Variants in DCC observed in about 807,000 individuals in gnomAD.
The protein encoded by DCC is DCC netrin 1 receptor.
A neutral mutation model predicts 172.5 loss-of-function variants in DCC; 58 were observed. The ratio of observed to expected loss-of-function variants is 0.34; its 90% CI spans 0.27 to 0.42. DCC has a LOEUF of 0.42. DCC is among the 10% of genes least tolerant of loss of function. The probability of loss-of-function intolerance (pLI) is 1.00; values close to 1 mark genes in which losing one functional copy is unlikely to be tolerated. For synonymous variants in DCC, 709 were observed against 644.5 expected, an observed-to-expected ratio of 1.10 and a Z score of -1.52; for missense variants, 1,740 against 1,791.0, an observed-to-expected ratio of 0.97 and a Z score of 0.51.
At chr18:53,051,973 T>C (rs775278548) in intron 5 of DCC, among the ~76,000 whole-genome samples, 1 of 152,146 alleles carries the variant, frequency 6.6e-6, no homozygotes, top group East Asian at 1.9e-4. Flanking sequence ...GTTATTTTAA[T>C]ACTGCATCAT....
Position 52,340,866 on chromosome 18 carries a change from C to T in DCC, c.79C>T (p.Leu27Phe), listed in dbSNP as rs1208033056. The T allele has an allele frequency of 1.9e-6, 3 of 1,613,516 alleles. No individual in the cohort carries two copies. Among genetic ancestry groups the T allele is most frequent in the Admixed American group, 1.7e-5 (1 of 60,014 alleles). Residue 27 changes from leucine to phenylalanine, a missense_variant, in exon 1 of 29, where the codon CTT (leucine) becomes TTT (phenylalanine). Leu to Phe is a conservative substitution (Grantham distance 22). This residue lies in a region of DCC where 1,732 missense variants were observed against 1,767.4 expected (regional missense o/e 0.98). Coordinates refer to ENST00000442544, the MANE Select transcript of DCC (RefSeq NM_005215.4). ...LFGASLFSAH[L>F]QVTGFQIKAF... The stretch of plus-strand genomic sequence containing the variant: ...CGGAGCTTCCTTGTTCAGCGCGCAT[C>T]TTCAAGTAACCGGTAAGTGGCTCTT...
At chr18:53,441,207 G>A (rs1329410291) in intron 22 of DCC, among the ~76,000 whole-genome samples, 1 of 152,188 alleles carries the variant, frequency 6.6e-6, no homozygotes, top group Non-Finnish European at 1.5e-5. Context: ...GAAGCTCTGA[G>A]AAAATAAATA....
intron 1 of DCC, among the ~76,000 whole-genome samples, chr18:52,570,030 G>A (rs2033255663): frequency 6.6e-6 from 1 of 152,288 alleles, no homozygotes; most frequent in South Asian, 2.1e-4. Context: ...ATCCTAGTAT[G>A]AGTGAACTAG....
intron 25 of DCC, among the ~76,000 whole-genome samples, chr18:53,480,540 AAGAC>A (rs1286050217): frequency 6.6e-6 from 1 of 152,172 alleles, no homozygotes; most frequent in Non-Finnish European, 1.5e-5. Context: ...TTTCAAATGT[AAGAC>A]AGGATGTTTT....
In DCC at chr18:52,426,319, C is replaced by T. The variant is rs115113118; in HGVS notation, c.91+85441C>T. Among the ~76,000 whole-genome samples, 1,193 of 141,560 alleles carry T rather than the reference C, an allele frequency of 8.4e-3. 9 individuals are homozygous for T. The highest frequency in any genetic ancestry group is 0.029 in the African/African-American group (1,114 of 38,210). 92.9% of individuals were successfully genotyped at this position (141,560 alleles called of 152,430 possible). Reference sequence around the variant, plus strand: ...GAATTTTTTTTTTTTTTTTTGGCATCGCTTACTCCAACTTGACAGCTTGAG... The same window carrying T: ...GAATTTTTTTTTTTTTTTTTGGCATTGCTTACTCCAACTTGACAGCTTGAG... On this transcript the variant is annotated intron_variant, in intron 1 of 28. Coordinates refer to ENST00000442544, the MANE Select transcript of DCC (RefSeq NM_005215.4).
At chr18:53,068,818 T>TGTGTGTGTGTGTGTGTGTG (rs763488670) in intron 7 of DCC, among the ~76,000 whole-genome samples, 2 of 151,268 alleles carry the variant, frequency 1.3e-5, no homozygotes, top group Admixed American at 6.6e-5. Flanking sequence ...TGTGTGTGTG[T>TGTGTGTGTGTGTGTGTGTG]TGCTGGGGAC....
At chr18:53,435,042 A>G in intron 21 of DCC, 102 bp from the exon 22 acceptor site, 3 of 895,626 alleles carry the variant, frequency 3.3e-6, no homozygotes, top group South Asian at 2.6e-5. Flanking sequence ...GGGGTGATCA[A>G]AGTAATCTGT....
intron 2 of DCC, among the ~76,000 whole-genome samples, chr18:52,827,155 C>T (rs2038524975): frequency 6.6e-6 from 1 of 152,256 alleles, no homozygotes; most frequent in Non-Finnish European, 1.5e-5. Flanking sequence ...GGAGGGGGCC[C>T]TACTCAGTCT....
intron 9 of DCC, among the ~76,000 whole-genome samples, chr18:53,189,179 A>ATG (rs957479719): frequency 6.6e-6 from 1 of 152,024 alleles, no homozygotes; most frequent in African/African-American, 2.4e-5. Flanking sequence ...ATGTATATAT[A>ATG]TGTGTGTGTG....
intron 7 of DCC, among the ~76,000 whole-genome samples, chr18:53,095,614 C>T (rs980697561): frequency 6.6e-6 from 1 of 152,136 alleles, no homozygotes; most frequent in African/African-American, 2.4e-5. Context: ...TCCTGCTCCT[C>T]CTCCTATCCT....
At chr18:52,990,475 G>T (rs1426304199) in intron 5 of DCC, among the ~76,000 whole-genome samples, 4 of 149,964 alleles carry the variant, frequency 2.7e-5, no homozygotes, top group East Asian at 2.0e-4. Flanking sequence ...GGGAACCGGG[G>T]GTTATGGTGA....
intron 2 of DCC, among the ~76,000 whole-genome samples, chr18:52,780,544 C>G (rs557588060): frequency 6.6e-6 from 1 of 152,056 alleles, no homozygotes; most frequent in South Asian, 2.1e-4. Context: ...GAACTGAAGA[C>G]CCCCCAAAGC....
chr18:52,662,803 G>A (rs566320375), intron 1 of DCC, among the ~76,000 whole-genome samples: 95 of 152,136 alleles, frequency 6.2e-4, no homozygotes, highest in Non-Finnish European at 1.0e-3. Context: ...GTTTCTAGAG[G>A]CTGGGAAGTT....
chr18:52,980,329 C>T (rs1568225292), intron 5 of DCC, among the ~76,000 whole-genome samples: 1 of 151,938 alleles, frequency 6.6e-6, no homozygotes, highest in Non-Finnish European at 1.5e-5. Flanking sequence ...TTAAAGAGGG[C>T]TTATTTTAAT....
At chr18:52,913,107 C>T (rs766018205) in intron 3 of DCC, among the ~76,000 whole-genome samples, 6 of 152,058 alleles carry the variant, frequency 3.9e-5, no homozygotes, top group Non-Finnish European at 8.8e-5. Flanking sequence ...ATAACTTTAG[C>T]CTGCCCTCCT....
intron 16 of DCC, among the ~76,000 whole-genome samples, chr18:53,386,378 A>G (rs1568098545): frequency 6.6e-6 from 1 of 152,050 alleles, no homozygotes; most frequent in Non-Finnish European, 1.5e-5. Context: ...CAGTTTATAA[A>G]TTTGCACATG....
chr18:53,384,391 G>C (rs1343904712), intron 15 of DCC, among the ~76,000 whole-genome samples: 1 of 151,904 alleles, frequency 6.6e-6, no homozygotes, highest in African/African-American at 2.4e-5. Flanking sequence ...TAAATCAGCA[G>C]ATTTTTTATT....
intron 1 of DCC, among the ~76,000 whole-genome samples, chr18:52,730,850 G>A (rs907090267): frequency 6.6e-6 from 1 of 152,112 alleles, no homozygotes; most frequent in African/African-American, 2.4e-5. Flanking sequence ...ATCAGATAAC[G>A]CAATAATGCA....
intron 1 of DCC, among the ~76,000 whole-genome samples, chr18:52,678,896 T>A (rs1028615728): frequency 6.6e-6 from 1 of 152,062 alleles, no homozygotes; most frequent in Non-Finnish European, 1.5e-5. Flanking sequence ...ATTGTTAAAT[T>A]TACCAGCTGG....
Sources: gnomAD v4.1 joint callset for allele counts (sites outside exome capture counted in the v4.1 genomes callset) on GRCh38, gnomAD v4.1.1 for gene constraint, gnomAD v4.1.1 regional missense constraint, MANE v1.5 for transcripts, NCBI Gene and HGNC (gene_info 2026-07-23, HGNC 2026-07-21) for gene names.